DAB1: variants seen among roughly 807,000 people sequenced by gnomAD.
DAB1 encodes the protein disabled homolog 1.
DAB1 carries 15 observed loss-of-function variants against 64.6 expected under a neutral mutation model. The ratio of observed to expected loss-of-function variants is 0.23; its 90% confidence interval spans 0.16 to 0.36. DAB1 has a LOEUF of 0.36. DAB1 is among the 10% of genes least tolerant of loss of function. DAB1 has a pLI of 1.00. For missense variants in DAB1, 596 were observed against 706.7 expected (o/e 0.84, Z 1.78); for synonymous variants, 235 against 251.9 (o/e 0.93, Z 0.64).
intron 1 of DAB1, among the ~76,000 whole-genome samples, chr1:57,882,628 T>C (rs1475503576): frequency 6.6e-6 from 1 of 152,182 alleles, no homozygotes; most frequent in Non-Finnish European, 1.5e-5. Flanking sequence ...ATAACATAAG[T>C]AGTGAAAACA....
intron 3 of DAB1, among the ~76,000 whole-genome samples, chr1:58,350,583 T>C (rs1488030889): frequency 6.6e-6 from 1 of 152,220 alleles, no homozygotes; most frequent in Non-Finnish European, 1.5e-5. Flanking sequence ...AGAGTTTTTA[T>C]GGTTTTAGGT....
chr1:57,752,346 T>G (rs1455872642), intron 6 of DAB1, among the ~76,000 whole-genome samples: 3 of 152,208 alleles, frequency 2.0e-5, no homozygotes, highest in African/African-American at 7.2e-5. Flanking sequence ...AGCCGGGTTT[T>G]GATGTTGAGA....
chr1:57,093,480 CTTAGTTTCT>C (rs1653878036), intron 4 of DAB1, among the ~76,000 whole-genome samples: 2 of 151,914 alleles, frequency 1.3e-5, no homozygotes, highest in Admixed American at 1.3e-4. Flanking sequence ...GTCGCAAAGC[CTTAGTTTCT>C]TCATCTAAAA....
chr1:57,333,636 C>A (rs774674014), intron 1 of DAB1, among the ~76,000 whole-genome samples: 1 of 152,234 alleles, frequency 6.6e-6, no homozygotes, highest in Non-Finnish European at 1.5e-5. Flanking sequence ...CTGCTCCTCT[C>A]AAAGCCACTC....
chr1:58,512,519 C>G lies in DAB1; in HGVS notation n.108-6310G>C, dbSNP rs564513160. Reference sequence around the variant, plus strand: ...ACCTGAATGTTCATCAGCGAATGAACAGATTAAGAAAATGTGGTATAAACA... The same window carrying G: ...ACCTGAATGTTCATCAGCGAATGAAGAGATTAAGAAAATGTGGTATAAACA... On this transcript the variant is annotated intron_variant and non_coding_transcript_variant, in intron 2 of 20. Coordinates refer to the DAB1 transcript ENST00000485760. 9.2e-5 allele frequency among the ~76,000 whole-genome samples: 14 copies of G among 152,186 alleles called. No homozygotes were observed. The South Asian group carries it at 2.1e-3, about 23-fold the overall frequency.
At chr1:58,221,182 T>A (rs1226782151) in intron 4 of DAB1, among the ~76,000 whole-genome samples, 1 of 152,038 alleles carries the variant, frequency 6.6e-6, no homozygotes, top group Non-Finnish European at 1.5e-5. Flanking sequence ...AAGTCCCCAC[T>A]GAAATACAGC....
At chr1:57,854,420 G>A (rs1653666355) in intron 1 of DAB1, among the ~76,000 whole-genome samples, 2 of 152,164 alleles carry the variant, frequency 1.3e-5, no homozygotes, top group Admixed American at 1.3e-4. Context: ...CCCAACATGG[G>A]AAGGGGGTGA....
At chr1:58,420,121 A>T (rs1179215181) in intron 3 of DAB1, among the ~76,000 whole-genome samples, 1 of 152,254 alleles carries the variant, frequency 6.6e-6, no homozygotes, top group Non-Finnish European at 1.5e-5. Flanking sequence ...AAAGGAACAC[A>T]GTGGATTATA....
chr1:58,169,217 GC>G (rs1656025800), intron 4 of DAB1, among the ~76,000 whole-genome samples: 1 of 152,044 alleles, frequency 6.6e-6, no homozygotes, highest in South Asian at 2.1e-4. Flanking sequence ...TTCTGCTGCT[GC>G]ATCAGTGAGC....
chr1:57,552,916 T>C (rs17115993), intron 7 of DAB1, among the ~76,000 whole-genome samples: 3,318 of 152,182 alleles, frequency 0.022, 139 homozygotes, highest in African/African-American at 0.076. Context: ...ACATTATTGA[T>C]GGAGAGTAGG....
rs117505115 is a variant in DAB1 at position 58,287,237 on chromosome 1, T to C, written n.309+56115A>G. On this transcript the variant is annotated intron_variant and non_coding_transcript_variant, in intron 4 of 20. Coordinates refer to the DAB1 transcript ENST00000485760. ...GCTTAATACCTAGGTGATGAGTTGA[T>C]AGGTGCAGCAAATAACCATGGTACA... Among the ~76,000 whole-genome samples the C allele has an allele frequency of 0.019, 2,887 of 152,186 alleles. 247 individuals carry two copies. The South Asian group carries it at 0.22, about 12-fold the overall frequency.
chr1:57,344,486 G>C (rs1484302271), intron 1 of DAB1, among the ~76,000 whole-genome samples: 1 of 152,058 alleles, frequency 6.6e-6, no homozygotes, highest in Non-Finnish European at 1.5e-5. Flanking sequence ...AATGAGGACT[G>C]TCAGTGCTTG....
At chr1:57,569,030 G>A (rs898235446) in intron 7 of DAB1, among the ~76,000 whole-genome samples, 12 of 151,548 alleles carry the variant, frequency 7.9e-5, no homozygotes, top group African/African-American at 1.4e-4. Context: ...AGGCCGAGGC[G>A]GGCGGATCAC....
intron 6 of DAB1, among the ~76,000 whole-genome samples, chr1:57,738,939 C>A (rs1407554924): frequency 6.6e-6 from 1 of 152,160 alleles, no homozygotes; most frequent in Non-Finnish European, 1.5e-5. Context: ...GAGGAGAATG[C>A]CCTAAATGGT....
intron 5 of DAB1, among the ~76,000 whole-genome samples, chr1:58,137,094 A>T (rs1653990530): frequency 6.6e-6 from 1 of 152,184 alleles, no homozygotes; most frequent in Non-Finnish European, 1.5e-5. Context: ...TCTAGAAAAA[A>T]AAAAACTAAA....
intron 1 of DAB1, among the ~76,000 whole-genome samples, chr1:57,308,851 G>A (rs921278771): frequency 6.6e-6 from 1 of 152,052 alleles, no homozygotes; most frequent in South Asian, 2.1e-4. Context: ...CTGGTAAATG[G>A]CTGTAACCAA....
chr1:58,312,538 A>G (rs993455556), intron 4 of DAB1, among the ~76,000 whole-genome samples: 2 of 152,164 alleles, frequency 1.3e-5, no homozygotes, highest in African/African-American at 4.8e-5. Context: ...TATCCTTTTG[A>G]TGCATCCGAA....
intron 10 of DAB1, among the ~76,000 whole-genome samples, chr1:57,024,030 C>A (rs1168269693): frequency 1.3e-5 from 2 of 151,998 alleles, no homozygotes; most frequent in Non-Finnish European, 2.9e-5. Flanking sequence ...GTGGCCAACT[C>A]AAACTGAAAT....
Position 58,042,420 on chromosome 1 carries a change from T to C in DAB1, n.387+108091A>G, listed in dbSNP as rs138242383. On this transcript the variant is annotated intron_variant and non_coding_transcript_variant, in intron 5 of 20. Coordinates refer to the DAB1 transcript ENST00000485760. ...CTGTTAGACACTAGGAACATAGCAA[T>C]GAATAAAAGTAACAACAACAAACCC... is the stretch of plus-strand genomic sequence containing the variant. Among the ~76,000 whole-genome samples the C allele has an allele frequency of 2.9e-3, 437 of 152,316 alleles. 1 individual carries two copies. Among genetic ancestry groups the C allele is most frequent in the African/African-American group, 9.8e-3 (406 of 41,564 alleles).
Sources: gnomAD v4.1 joint callset for allele counts (sites outside exome capture counted in the v4.1 genomes callset) on GRCh38, gnomAD v4.1.1 for gene constraint, MANE v1.5 for transcripts, NCBI Gene and HGNC (gene_info 2026-07-23, HGNC 2026-07-21) for gene names.